MYBPHL: variants seen among roughly 807,000 people sequenced by gnomAD.
MYBPHL encodes myosin binding protein H like.
Under a neutral mutation model 39.5 loss-of-function variants are expected in MYBPHL, and 32 were observed. The observed-to-expected ratio is 0.81, with a 90% CI of 0.61 to 1.09. The LOEUF (loss-of-function observed/expected upper bound fraction) is 1.09. Among genes scored for constraint, MYBPHL ranks in the 50% least tolerant of loss-of-function variants. The pLI, the probability that MYBPHL is intolerant of heterozygous loss-of-function variation, is 0.00. For missense variants in MYBPHL, 456 were observed against 460.2 expected, an observed-to-expected ratio of 0.99 and a Z score of 0.08; for synonymous variants, 196 against 183.7, an observed-to-expected ratio of 1.07 and a Z score of -0.54.
intron 1 of MYBPHL, among the ~76,000 whole-genome samples, chr1:109,305,614 CT>C (rs1269025135): frequency 6.6e-6 from 1 of 152,222 alleles, no homozygotes; most frequent in Non-Finnish European, 1.5e-5. Context: ...TTCTCTGGGC[CT>C]TTTAAGGGAA....
At chr1:109,298,315 A>G in intron 1 of MYBPHL, 58 bp from the exon 2 acceptor site, 1 of 1,498,498 alleles carries the variant, frequency 6.7e-7, no homozygotes, top group South Asian at 1.2e-5. Flanking sequence ...TAAATCCTGC[A>G]TCCAGCTGCC....
intron 5 of MYBPHL, 79 bp from the exon 6 acceptor site, chr1:109,296,449 T>C: frequency 1.9e-6 from 3 of 1,562,358 alleles, no homozygotes; most frequent in African/African-American, 1.4e-5. Flanking sequence ...GTATTTTTTT[T>C]TTTTTTTGAG....
At chr1:109,294,092 C>A in intron 8 of MYBPHL, 114 bp downstream of exon 8, 1 of 710,718 alleles carries the variant, frequency 1.4e-6, no homozygotes, top group East Asian at 2.5e-5. Context: ...ACAAAAGTGG[C>A]CACCAGTGGA....
chr1:109,299,726 T>C (rs547302561), intron 1 of MYBPHL, among the ~76,000 whole-genome samples: 1 of 152,378 alleles, frequency 6.6e-6, no homozygotes, highest in East Asian at 1.9e-4. Flanking sequence ...ACGAGGGGAC[T>C]TGATGGGCCT....
At chr1:109,297,357 G>A (rs1658114376) in intron 3 of MYBPHL, 65 bp downstream of exon 3, 1 of 1,566,648 alleles carries the variant, frequency 6.4e-7, no homozygotes, top group Non-Finnish European at 8.7e-7. Flanking sequence ...CTCTGAGCTG[G>A]CTCCTCTTCA....
chr1:109,301,088 CTT>C (rs933819654), intron 1 of MYBPHL, among the ~76,000 whole-genome samples: 5 of 152,340 alleles, frequency 3.3e-5, no homozygotes, highest in Admixed American at 1.3e-4. Flanking sequence ...CAATCTGACT[CTT>C]TGCTAAGAAT....
chr1:109,299,899 T>C (rs59072295), intron 1 of MYBPHL, among the ~76,000 whole-genome samples: 5,494 of 152,190 alleles, frequency 0.036, 346 homozygotes, highest in African/African-American at 0.13. Context: ...GTGATGGGCT[T>C]CTCTCCTGTG....
Position 109,295,284 on chromosome 1 carries a change from C to T in MYBPHL, c.881G>A (p.Trp294Ter). ...TTGGATATCCATCTTGTTCTTCAGC[C>T]AGATGATCTTGGGCTGGAAGACAAA... ...VRASPRPKII[W>*]LKNKMDIQGN... Residue 294 changes from tryptophan (W) to a stop codon, truncating the protein, a stop_gained, in exon 7 of 9, where the codon TGG becomes TAG. Transcript: ENST00000357155. LOFTEE classifies it high-confidence loss of function. 1.2e-6 allele frequency: 2 copies of T among 1,613,878 alleles called. No individual in the cohort carries two copies. The highest frequency in any genetic ancestry group is 2.2e-5 in the South Asian group (2 of 91,056).
At chr1:109,304,457 T>A (rs1658396753) in intron 1 of MYBPHL, among the ~76,000 whole-genome samples, 1 of 152,188 alleles carries the variant, frequency 6.6e-6, no homozygotes, top group Non-Finnish European at 1.5e-5. Context: ...CTCCTCCACC[T>A]CAGGGTCCCA....
At chr1:109,294,963 A>G in intron 7 of MYBPHL, 148 bp downstream of exon 7, 1 of 619,234 alleles carries the variant, frequency 1.6e-6, no homozygotes, top group Non-Finnish European at 2.8e-6. Flanking sequence ...TGTCTCCTCC[A>G]ATACATCCTG....
intron 4 of MYBPHL, 36 bp from the exon 5 acceptor site, chr1:109,296,978 C>T (rs772939895): frequency 2.5e-6 from 4 of 1,613,930 alleles, no homozygotes; most frequent in Non-Finnish European, 3.4e-6. Flanking sequence ...AATCAGCCAC[C>T]CCATGTGGAG....
At chr1:109,298,372 C>T (rs1393434819) in intron 1 of MYBPHL, 115 bp from the exon 2 acceptor site, 2 of 866,078 alleles carry the variant, frequency 2.3e-6, no homozygotes, top group African/African-American at 1.7e-5. Context: ...TTAAGCCCTT[C>T]TTAGAGGGGA....
chr1:109,297,591 C>T lies in MYBPHL; in HGVS notation c.261G>A (p.Trp87Ter), dbSNP rs1190498937. Residue 87 changes from tryptophan to a stop codon, truncating the protein, a stop_gained, in exon 3 of 9, where the codon TGG (tryptophan) becomes TGA (stop). Transcript: ENST00000357155. LOFTEE classifies it high-confidence loss of function. ...FQGKPKPQAI[W>*]THDGCALDTR... ...TGTCCAAGGCACAGCCATCATGTGT[C>T]CAGATGGCTTGAGGTTTGGGCTTGC... 2 of 1,613,548 alleles carry T rather than the reference C, an allele frequency of 1.2e-6. No homozygotes were observed. Among genetic ancestry groups the T allele is most frequent in the Non-Finnish European group, 1.7e-6 (2 of 1,179,962 alleles).
intron 1 of MYBPHL, among the ~76,000 whole-genome samples, chr1:109,300,037 G>T (rs1166271310): frequency 6.6e-6 from 1 of 152,200 alleles, no homozygotes; most frequent in African/African-American, 2.4e-5. Flanking sequence ...CCCCACTGTT[G>T]GGGGAGGAAA....
At chr1:109,302,174 G>T (rs1051988877) in intron 1 of MYBPHL, among the ~76,000 whole-genome samples, 1 of 152,054 alleles carries the variant, frequency 6.6e-6, no homozygotes, top group African/African-American at 2.4e-5. Context: ...GTGTGTGAGA[G>T]AGAGAGGGAG....
At chr1:109,304,048 C>A (rs1229920891) in intron 1 of MYBPHL, among the ~76,000 whole-genome samples, 1 of 152,150 alleles carries the variant, frequency 6.6e-6, no homozygotes, top group African/African-American at 2.4e-5. Flanking sequence ...AAGCAGGAAG[C>A]CTGCATGCTT....
At chr1:109,297,020 C>A (rs1394443807) in intron 4 of MYBPHL, 30 bp downstream of exon 4, 4 of 1,613,930 alleles carry the variant, frequency 2.5e-6, no homozygotes, top group Non-Finnish European at 3.4e-6. Context: ...ATGCCCTCTT[C>A]CACCCTCCTT....
chr1:109,300,732 G>C (rs1658246842), intron 1 of MYBPHL, among the ~76,000 whole-genome samples: 1 of 152,132 alleles, frequency 6.6e-6, no homozygotes, highest in Non-Finnish European at 1.5e-5. Flanking sequence ...ATCCTGGCTG[G>C]GCAGAGAGCA....
chr1:109,297,149 A>G lies in MYBPHL; in HGVS notation c.471T>C (p.Val157=), dbSNP rs146464030. The G allele has an allele frequency of 4.2e-5, 68 of 1,614,042 alleles. No homozygotes were observed. The highest frequency in any genetic ancestry group is 5.5e-5 in the Non-Finnish European group (65 of 1,180,040). The stretch of plus-strand genomic sequence containing the variant: ...ATTCCAGTGTAGCGCTGAAGCCCCA[A>G]ACGTCCACCAGCTTAATACTCTGAG... The part of the protein sequence containing the change: ...GPPQSIKLVD[V]WGFSATLEWT... Residue 157 remains valine, a synonymous_variant, in exon 4 of 9, where the codon GTT becomes GTC. Transcript: ENST00000357155.
Sources: allele counts gnomAD v4.1 joint callset (sites outside exome capture counted in the v4.1 genomes callset), GRCh38; gene constraint gnomAD v4.1.1; transcripts MANE v1.5; gene names NCBI Gene and HGNC (gene_info 2026-07-23, HGNC 2026-07-21).